Variants in SPECC1 observed in about 807,000 individuals in gnomAD.
The protein encoded by SPECC1 is sperm antigen with calponin homology and coiled-coil domains 1.
Under a neutral mutation model 104.1 loss-of-function variants are expected in SPECC1, and 62 were observed. That is an observed-to-expected ratio of 0.60 (90% CI 0.49 to 0.74). The LOEUF is 0.74. Among genes scored for constraint, SPECC1 ranks in the 30% least tolerant of loss-of-function variants. SPECC1 has a pLI of 0.00. For missense variants in SPECC1, 1,306 were observed against 1,310.5 expected (o/e 1.00, Z 0.05); for synonymous variants, 513 against 501.6 (o/e 1.02, Z -0.30).
chr17:20,237,012 A>AT, intron 7 of SPECC1: 1 of 1,557,562 alleles, frequency 6.4e-7, no homozygotes, highest in South Asian at 1.2e-5. Flanking sequence ...TCTCCTTGTG[A>AT]CATTCTCTGT....
At chr17:20,297,329 A>T (rs879161966) in intron 13 of SPECC1, among the ~76,000 whole-genome samples, 2 of 152,242 alleles carry the variant, frequency 1.3e-5, no homozygotes, top group Admixed American at 1.3e-4. Context: ...AGCCTATTCC[A>T]AAGAACCAGC....
chr17:20,138,790 G>A (rs2030364905), intron 3 of SPECC1, among the ~76,000 whole-genome samples: 1 of 152,154 alleles, frequency 6.6e-6, no homozygotes, highest in South Asian at 2.1e-4. Context: ...CATCCTGGTT[G>A]CTTCCAAGTG....
intron 3 of SPECC1, among the ~76,000 whole-genome samples, chr17:20,166,670 G>T (rs562206309): frequency 6.6e-6 from 1 of 152,132 alleles, no homozygotes; most frequent in African/African-American, 2.4e-5. Flanking sequence ...TGGGATAACC[G>T]GAGGGAGTTT....
chr17:20,069,907 T>C (rs866334231), intron 1 of SPECC1, among the ~76,000 whole-genome samples: 1 of 152,292 alleles, frequency 6.6e-6, no homozygotes, highest in African/African-American at 2.4e-5. Flanking sequence ...CTGAGTATAT[T>C]TGGATTATTC....
intron 1 of SPECC1, among the ~76,000 whole-genome samples, chr17:20,022,027 C>T (rs894474552): frequency 5.9e-5 from 9 of 151,808 alleles, no homozygotes; most frequent in African/African-American, 1.7e-4. Flanking sequence ...CTGCAATCTC[C>T]GCCTCCTGGG....
intron 12 of SPECC1, among the ~76,000 whole-genome samples, chr17:20,266,006 T>C (rs966599740): frequency 2.6e-5 from 4 of 152,218 alleles, no homozygotes; most frequent in African/African-American, 9.6e-5. Flanking sequence ...ACTCAGGCAA[T>C]GCGAGTCTCC....
chr17:20,101,160 T>C (rs2047927192), intron 2 of SPECC1, among the ~76,000 whole-genome samples: 1 of 152,382 alleles, frequency 6.6e-6, no homozygotes, highest in Non-Finnish European at 1.5e-5. Context: ...GAATGATTTA[T>C]ATTCCGTTGG....
At chr17:20,243,893 G>A (rs2039308192) in intron 7 of SPECC1, among the ~76,000 whole-genome samples, 1 of 152,060 alleles carries the variant, frequency 6.6e-6, no homozygotes, top group African/African-American at 2.4e-5. Context: ...TGTCCTTGGG[G>A]GCCTTTGGTA....
chr17:20,131,391 C>T (rs555712723), intron 3 of SPECC1, among the ~76,000 whole-genome samples: 2 of 152,078 alleles, frequency 1.3e-5, no homozygotes, highest in Non-Finnish European at 2.9e-5. Context: ...GTTGGCGAGG[C>T]TGGTTTTGAA....
chr17:20,257,745 C>T (rs1252442451), intron 11 of SPECC1, 138 bp downstream of exon 11: 1 of 1,172,794 alleles, frequency 8.5e-7, no homozygotes. Context: ...CTGTGCCTGC[C>T]CTTGGTGAGT....
chr17:20,235,256 G>A (rs1358324796), intron 7 of SPECC1, among the ~76,000 whole-genome samples: 1 of 152,212 alleles, frequency 6.6e-6, no homozygotes, highest in Non-Finnish European at 1.5e-5. Context: ...TCTTAGTTGT[G>A]GCTTGGGAGC....
rs1012298722 is a variant in SPECC1, at chr17:20,300,025, C to T, written c.3057+2948C>T. ...AGCACTTGAAATGTGGCAGATGTGACTGAAGACTGAATTTTTAATTTCAAT... is the reference window on the plus strand; with the variant it reads ...AGCACTTGAAATGTGGCAGATGTGATTGAAGACTGAATTTTTAATTTCAAT... On this transcript the variant is annotated intron_variant, in intron 13 of 14. Transcript: ENST00000395527. Among the ~76,000 whole-genome samples the T allele has an allele frequency of 2.0e-5, 3 of 152,228 alleles. No individual in the cohort carries two copies. In the East Asian group the frequency reaches 5.8e-4, roughly 29 times the overall value.
intron 12 of SPECC1, among the ~76,000 whole-genome samples, chr17:20,267,873 G>C (rs1197833838): frequency 6.6e-6 from 1 of 152,098 alleles, no homozygotes; most frequent in Non-Finnish European, 1.5e-5. Flanking sequence ...CGCTCAGTTT[G>C]CTTTGCCTTC....
At chr17:20,217,589 C>T (rs2037582027) in intron 4 of SPECC1, among the ~76,000 whole-genome samples, 2 of 152,156 alleles carry the variant, frequency 1.3e-5, no homozygotes, top group Admixed American at 6.5e-5. Flanking sequence ...CTCCAGGTGA[C>T]AGGCCCTTAG....
chr17:20,175,262 T>G (rs2034393467), intron 3 of SPECC1, among the ~76,000 whole-genome samples: 1 of 152,224 alleles, frequency 6.6e-6, no homozygotes, highest in African/African-American at 2.4e-5. Context: ...TCATTTGCCC[T>G]AAGCCAGCAC....
intron 1 of SPECC1, among the ~76,000 whole-genome samples, chr17:20,069,623 G>A (rs2046475826): frequency 6.6e-6 from 1 of 152,032 alleles, no homozygotes; most frequent in South Asian, 2.1e-4. Context: ...TAGCATCCTT[G>A]TTGAAAATCA....
intron 2 of SPECC1, among the ~76,000 whole-genome samples, chr17:20,109,362 T>C (rs2048373343): frequency 6.6e-6 from 1 of 152,198 alleles, no homozygotes; most frequent in Non-Finnish European, 1.5e-5. Flanking sequence ...GCAGCTGCCT[T>C]CTCCAGTCTT....
chr17:20,142,075 T>A (rs567697204), intron 3 of SPECC1, among the ~76,000 whole-genome samples: 9 of 152,264 alleles, frequency 5.9e-5, no homozygotes, highest in African/African-American at 2.2e-4. Flanking sequence ...CTGAATGTTA[T>A]CTACCGAATG....
chr17:20,257,558 A>G lies in SPECC1; in HGVS notation c.2788A>G (p.Arg930Gly), dbSNP rs767655801. The G allele has an allele frequency of 6.2e-7, 1 of 1,613,572 alleles. No individual in the cohort carries two copies. The highest frequency in any genetic ancestry group is 1.1e-5 in the South Asian group (1 of 90,942). The change falls in exon 11 of 15, where the codon AGA becomes GGA. Residue 930 changes from arginine (R) to glycine (G), a missense_variant. Transcript: ENST00000395527. ...RPPSLGFGDT[R>G]LLSASTRAWK... ...CCCGTCTCTGGGCTTTGGGGACACA[A>G]GACTGCTGAGTGCTTCCACCCGGGC...
Sources: allele counts gnomAD v4.1 joint callset (sites outside exome capture counted in the v4.1 genomes callset), GRCh38; gene constraint gnomAD v4.1.1; transcripts MANE v1.5; gene names NCBI Gene and HGNC (gene_info 2026-07-23, HGNC 2026-07-21).